The following SNRPN variants were observed in gnomAD, a reference collection of about 807,000 sequenced individuals.
The protein encoded by SNRPN is small nuclear ribonucleoprotein-associated protein N.
Under a neutral mutation model 25.2 loss-of-function variants are expected in SNRPN, and 7 were observed. The observed-to-expected ratio is 0.28, with a 90% CI of 0.16 to 0.52. The LOEUF (loss-of-function observed/expected upper bound fraction) is 0.52, where lower values mean the gene tolerates loss of function less well. Ranked by LOEUF, SNRPN falls within the 20% of genes least tolerant of loss-of-function variation. The probability of loss-of-function intolerance (pLI) is 0.96; values close to 1 mark genes in which losing one functional copy is unlikely to be tolerated. For synonymous variants in SNRPN, 124 were observed against 110.6 expected, an observed-to-expected ratio of 1.12 and a Z score of -0.76; for missense variants, 196 against 322.5, an observed-to-expected ratio of 0.61 and a Z score of 3.00.
intron 2 of SNRPN, among the ~76,000 whole-genome samples, chr15:24,913,603 G>A (rs549371145): frequency 2.6e-5 from 4 of 152,118 alleles, no homozygotes; most frequent in Admixed American, 6.5e-5. Flanking sequence ...CCAAGATCAC[G>A]CCACTGCACT....
At chr15:24,974,203 G>A (rs2076800436) in intron 3 of SNRPN, 108 bp from the exon 4 acceptor site, 4 of 527,344 alleles carry the variant, frequency 7.6e-6, no homozygotes, top group South Asian at 6.9e-5. Context: ...AGTATGAGAG[G>A]AAGGATGTTT....
intron 2 of SNRPN, among the ~76,000 whole-genome samples, chr15:24,892,077 C>T (rs2057725791): frequency 6.6e-6 from 1 of 152,136 alleles, no homozygotes; most frequent in Non-Finnish European, 1.5e-5. Context: ...CCCTGTGAAG[C>T]CCTTTTGAAG....
chr15:24,951,969 T>A (rs2062311528), upstream of SNRPN, among the ~76,000 whole-genome samples: 1 of 152,180 alleles, frequency 6.6e-6, no homozygotes, highest in Non-Finnish European at 1.5e-5. Context: ...TATTTATTAT[T>A]TTTGGTTGCT....
chr15:24,830,934 T>A (rs2050462567), intron 2 of SNRPN, among the ~76,000 whole-genome samples: 1 of 152,014 alleles, frequency 6.6e-6, no homozygotes, highest in African/African-American at 2.4e-5. Context: ...GTCAATTATA[T>A]CCAATTGACT....
chr15:24,957,779 T>C (rs1321997626), intron 1 of SNRPN, among the ~76,000 whole-genome samples: 3 of 152,174 alleles, frequency 2.0e-5, no homozygotes, highest in Non-Finnish European at 4.4e-5. Flanking sequence ...CACATACATA[T>C]ATTTCTTGGT....
intron 2 of SNRPN, 24 bp from the exon 3 acceptor site, chr15:24,967,908 A>G: frequency 6.3e-7 from 1 of 1,580,044 alleles, no homozygotes; most frequent in African/African-American, 1.4e-5. Context: ...TTTATCATTT[A>G]TATATATTGT....
intron 3 of SNRPN, chr15:24,920,681 G>A (rs901886187): frequency 3.3e-5 from 5 of 152,190 alleles, no homozygotes; most frequent in African/African-American, 1.2e-4. Context: ...TCAAGGGCTG[G>A]GGAGTAAGGG....
intron 1 of SNRPN, among the ~76,000 whole-genome samples, chr15:24,873,720 T>C (rs1211574954): frequency 6.6e-6 from 1 of 152,054 alleles, no homozygotes. Context: ...GTGCTGGGAT[T>C]ACAGACGTGA....
chr15:24,953,744 G>A (rs11856600), upstream of SNRPN, among the ~76,000 whole-genome samples: 3,779 of 152,216 alleles, frequency 0.025, 124 homozygotes, highest in African/African-American at 0.078. Flanking sequence ...ATTCAATATT[G>A]ACAATTTTAT....
chr15:24,855,456 T>G (rs58088625), upstream of SNRPN, among the ~76,000 whole-genome samples: 1 of 152,114 alleles, frequency 6.6e-6, no homozygotes, highest in African/African-American at 2.4e-5. Context: ...TAGAATATCT[T>G]TTTTTGTATG....
At chr15:24,930,223 A>C (rs894989994) in intron 3 of SNRPN, among the ~76,000 whole-genome samples, 7 of 151,022 alleles carry the variant, frequency 4.6e-5, no homozygotes, top group African/African-American at 1.2e-4. Context: ...AAAAAAAAAA[A>C]AAAAAACTGT....
At chr15:24,874,689 A>C (rs1239285028) in intron 1 of SNRPN, among the ~76,000 whole-genome samples, 2 of 151,248 alleles carry the variant, frequency 1.3e-5, no homozygotes, top group African/African-American at 4.9e-5. Flanking sequence ...TGGTGATATG[A>C]TCACCATCAA....
chr15:24,856,244 A>G (rs568942570), upstream of SNRPN, among the ~76,000 whole-genome samples: 6 of 152,318 alleles, frequency 3.9e-5, no homozygotes, highest in South Asian at 6.2e-4. Context: ...AATAAAGAGC[A>G]GAATTTAGAA....
intron 1 of SNRPN, among the ~76,000 whole-genome samples, chr15:24,877,745 G>C (rs1439393592): frequency 2.0e-5 from 3 of 152,100 alleles, no homozygotes; most frequent in South Asian, 4.2e-4. Flanking sequence ...CCAGCTACTC[G>C]GGAGGTTGGG....
intron 3 of SNRPN, among the ~76,000 whole-genome samples, chr15:24,933,782 G>A (rs2061042914): frequency 6.6e-6 from 1 of 152,202 alleles, no homozygotes; most frequent in African/African-American, 2.4e-5. Context: ...GAGGGTACAT[G>A]GCATTCATTG....
intron 2 of SNRPN, among the ~76,000 whole-genome samples, chr15:24,834,751 C>CTCTCTCTCTCTCTATATATATATA: frequency 1.5e-4 from 9 of 60,950 alleles, no homozygotes; most frequent in Non-Finnish European, 2.0e-4. Context: ...CTCTCTCTCT[C>CTCTCTCTCTCTCTATATATATATA]TATATATATA....
chr15:24,830,422 C>G (rs2141418327), intron 2 of SNRPN, among the ~76,000 whole-genome samples: 1 of 152,162 alleles, frequency 6.6e-6, no homozygotes, highest in Middle Eastern at 3.4e-3. Context: ...ATTCCAGGTG[C>G]TTTACCTTTT....
At chr15:24,906,649 A>G (rs527315229) in intron 2 of SNRPN, among the ~76,000 whole-genome samples, 2 of 152,264 alleles carry the variant, frequency 1.3e-5, no homozygotes, top group Non-Finnish European at 2.9e-5. Context: ...TTCAGGGGGA[A>G]GAGGTCAAAG....
chr15:24,973,964 G>T (rs2076769959), intron 3 of SNRPN, among the ~76,000 whole-genome samples: 1 of 152,168 alleles, frequency 6.6e-6, no homozygotes, highest in Admixed American at 6.5e-5. Context: ...TTGAGATGTT[G>T]ATACAGAGAT....
Sources: allele counts gnomAD v4.1 joint callset (sites outside exome capture counted in the v4.1 genomes callset), GRCh38; gene constraint gnomAD v4.1.1; transcripts MANE v1.5; gene names NCBI Gene and HGNC (gene_info 2026-07-23, HGNC 2026-07-21).